The following DLG2 variants were observed in gnomAD, a reference collection of about 807,000 sequenced individuals.
DLG2 encodes the protein disks large homolog 2.
Under a neutral mutation model 132.5 loss-of-function variants are expected in DLG2, and 45 were observed. The observed-to-expected ratio is 0.34, with a 90% CI of 0.27 to 0.44. DLG2 has a LOEUF of 0.44. Ranked by LOEUF, DLG2 falls within the 20% of genes least tolerant of loss-of-function variation. The pLI is 1.00. For missense variants in DLG2, 1,045 were observed against 1,196.9 expected, an observed-to-expected ratio of 0.87 and a Z score of 1.87; for synonymous variants, 424 against 419.6, an observed-to-expected ratio of 1.01 and a Z score of -0.13.
intron 3 of DLG2, among the ~76,000 whole-genome samples, chr11:85,383,359 G>A (rs932416018): frequency 1.3e-5 from 2 of 152,120 alleles, no homozygotes; most frequent in African/African-American, 2.4e-5. Context: ...ATCCTCGGGG[G>A]TGATAAAAAT....
At chr11:85,503,641 A>C (rs1353975530) in intron 3 of DLG2, among the ~76,000 whole-genome samples, 1 of 152,148 alleles carries the variant, frequency 6.6e-6, no homozygotes, top group East Asian at 1.9e-4. Context: ...TTATAAGAAA[A>C]GAAACAAAGA....
rs146694665 is a variant in DLG2 at position 83,876,297 on chromosome 11, G to A, written c.1497-1809C>T. The stretch of plus-strand genomic sequence containing the variant: ...ATAAACCATTATGATTTAGCAGAGC[G>A]TGTACTTTGAGATGTTTAGTACCAA... On this transcript the variant is annotated intron_variant, in intron 15 of 27. Transcript: ENST00000376104. Among the ~76,000 whole-genome samples the A allele has an allele frequency of 1.8e-3, 276 of 152,226 alleles. 1 individual carries two copies. Among genetic ancestry groups the A allele is most frequent in the African/African-American group, 5.3e-3 (219 of 41,560 alleles).
At chr11:85,620,933 C>G (rs1480693047) in intron 2 of DLG2, among the ~76,000 whole-genome samples, 2 of 152,202 alleles carry the variant, frequency 1.3e-5, no homozygotes, top group East Asian at 3.8e-4. Flanking sequence ...GACAAAATAG[C>G]CTTACATCAG....
intron 8 of DLG2, among the ~76,000 whole-genome samples, chr11:84,174,795 G>GA (rs370180201): frequency 1.3e-5 from 2 of 152,038 alleles, no homozygotes; most frequent in Non-Finnish European, 2.9e-5. Context: ...GTTATCTCCA[G>GA]AAAAAATGCT....
intron 6 of DLG2, among the ~76,000 whole-genome samples, chr11:84,823,487 C>A (rs1396779441): frequency 1.3e-5 from 2 of 151,150 alleles, no homozygotes; most frequent in African/African-American, 4.9e-5. Context: ...TAATATGTGG[C>A]TTGACCTCTC....
At chr11:84,249,800 C>A (rs976590466) in intron 8 of DLG2, among the ~76,000 whole-genome samples, 1 of 152,156 alleles carries the variant, frequency 6.6e-6, no homozygotes, top group African/African-American at 2.4e-5. Context: ...ACCTTGTTTC[C>A]GGTCTGGTCC....
At chr11:83,906,082 TATATATATATATATATATATATAC>T (rs1316405918) in intron 15 of DLG2, among the ~76,000 whole-genome samples, 7 of 76,144 alleles carry the variant, frequency 9.2e-5, no homozygotes, top group African/African-American at 3.5e-4. Context: ...TCTCTCTCTC[TATATATATATATATATATATATAC>T]ATATATAGTT....
At chr11:84,590,582 T>C (rs1437296594) in intron 6 of DLG2, among the ~76,000 whole-genome samples, 1 of 152,152 alleles carries the variant, frequency 6.6e-6, no homozygotes, top group Admixed American at 6.5e-5. Context: ...TGAGAGATAA[T>C]GGCTCGTAGG....
At chr11:84,365,856 C>T (rs1414339121) in intron 7 of DLG2, among the ~76,000 whole-genome samples, 6 of 151,846 alleles carry the variant, frequency 4.0e-5, no homozygotes, top group Non-Finnish European at 7.4e-5. Flanking sequence ...TTGAAAGTGA[C>T]GGGGAGAATG....
chr11:85,588,855 G>A (rs909398166), intron 3 of DLG2, among the ~76,000 whole-genome samples: 1 of 152,148 alleles, frequency 6.6e-6, no homozygotes. Flanking sequence ...TTTGTCCCAT[G>A]GGGTGGTCCC....
At chr11:83,781,017 G>A (rs981894740) in intron 18 of DLG2, among the ~76,000 whole-genome samples, 2 of 152,148 alleles carry the variant, frequency 1.3e-5, no homozygotes, top group Admixed American at 1.3e-4. Context: ...GATTCAGTAG[G>A]GTTGGGTTGA....
chr11:83,457,693 G>A lies in DLG2; in HGVS notation c.*2125C>T, dbSNP rs2089230368. The A allele has an allele frequency of 6.6e-6, 1 of 152,298 alleles. No homozygotes were observed. The highest frequency in any genetic ancestry group is 1.5e-5 in the Non-Finnish European group (1 of 68,020). 9.4% of individuals were successfully genotyped at this position (152,298 alleles called of 1,614,324 possible). A position where few individuals can be genotyped will look rare whatever the true frequency, so the allele number is the denominator to read the frequency against. On this transcript the variant is annotated 3_prime_UTR_variant, in exon 28 of 28. Coordinates refer to ENST00000376104, the MANE Select transcript of DLG2 (RefSeq NM_001142699.3). ...ATCGTGGTGGCCTAAAAATAGAGCT[G>A]GGATCAGGAATGGCATTCTGGTGTC...
At chr11:85,449,714 A>G (rs1014746714) in intron 3 of DLG2, among the ~76,000 whole-genome samples, 2 of 151,632 alleles carry the variant, frequency 1.3e-5, no homozygotes, top group African/African-American at 2.4e-5. Context: ...CCTGGGTTGA[A>G]GCTACATTCA....
intron 10 of DLG2, among the ~76,000 whole-genome samples, chr11:84,096,602 G>A (rs968304112): frequency 1.3e-5 from 2 of 152,040 alleles, no homozygotes; most frequent in African/African-American, 4.8e-5. Context: ...ACAGAGTGGT[G>A]AAAAATTATG....
intron 18 of DLG2, chr11:83,721,030 A>G (rs142500365): frequency 6.6e-6 from 1 of 152,258 alleles, no homozygotes; most frequent in South Asian, 2.1e-4. Flanking sequence ...GATGAGAAAG[A>G]ATCTGGGCCT....
At chr11:85,154,687 T>C (rs945849944) in intron 4 of DLG2, 36 bp from the exon 5 acceptor site, 7 of 1,010,820 alleles carry the variant, frequency 6.9e-6, no homozygotes, top group Middle Eastern at 2.3e-4. Context: ...TACTCCTTTT[T>C]TATTTTCTGC....
At chr11:83,971,629 A>C (rs2091360260) in intron 12 of DLG2, among the ~76,000 whole-genome samples, 1 of 152,184 alleles carries the variant, frequency 6.6e-6, no homozygotes. Flanking sequence ...TACAGACATT[A>C]AGGTTACCTA....
chr11:85,398,495 A>G (rs1178055955), intron 3 of DLG2, among the ~76,000 whole-genome samples: 2 of 151,988 alleles, frequency 1.3e-5, no homozygotes, highest in African/African-American at 4.8e-5. Context: ...CAGGAGCTGG[A>G]TTTTTGAAAA....
chr11:84,018,549 A>T (rs72949829), intron 11 of DLG2, among the ~76,000 whole-genome samples: 61,301 of 151,862 alleles, frequency 0.4, 14,078 homozygotes, highest in Middle Eastern at 0.58. Context: ...TAATGTAAAA[A>T]AGGGTGAAAA....
Sources: allele counts gnomAD v4.1 joint callset (sites outside exome capture counted in the v4.1 genomes callset), GRCh38; gene constraint gnomAD v4.1.1; transcripts MANE v1.5; gene names NCBI Gene and HGNC (gene_info 2026-07-23, HGNC 2026-07-21).